The following ANXA8 variants were observed in gnomAD, a reference collection of about 807,000 sequenced individuals.
ANXA8 encodes the protein VAC-beta.
Under a neutral mutation model 26.8 loss-of-function variants are expected in ANXA8, and 9 were observed. That is an observed-to-expected ratio of 0.34 (90% confidence interval 0.20 to 0.59). ANXA8 has a LOEUF of 0.59. ANXA8 is among the 20% of genes least tolerant of loss of function. ANXA8 has a pLI of 0.84. For synonymous variants in ANXA8, 39 were observed against 94.8 expected (o/e 0.41, Z 3.42); for missense variants, 83 against 238.5 (o/e 0.35, Z 4.29).
the ANXA8 span, among the ~76,000 whole-genome samples, chr10:47,768,545 T>G: frequency 1.3e-5 from 2 of 150,652 alleles, no homozygotes; most frequent in South Asian, 4.2e-4. Context: ...TTTGCCAGAT[T>G]CCTTTCTTGA....
chr10:47,588,371 T>C, the ANXA8 span, among the ~76,000 whole-genome samples: 62,192 of 87,092 alleles, frequency 0.71, 23,478 homozygotes, highest in African/African-American at 0.79. Flanking sequence ...AAGGCTCTTC[T>C]GAATCTTCAG....
At chr10:47,593,184 G>A in the ANXA8 span, among the ~76,000 whole-genome samples, 2 of 147,154 alleles carry the variant, frequency 1.4e-5, no homozygotes, top group Non-Finnish European at 3.0e-5. Context: ...ACTTTGGTAA[G>A]CACAGTGGAC....
the ANXA8 span, among the ~76,000 whole-genome samples, chr10:47,586,395 T>C: frequency 6.8e-6 from 1 of 146,012 alleles, no homozygotes; most frequent in African/African-American, 2.8e-5. Context: ...ACCACTTCCT[T>C]GTGCTGGATT....
the ANXA8 span, among the ~76,000 whole-genome samples, chr10:47,645,718 G>A: frequency 4.0e-4 from 61 of 151,078 alleles, no homozygotes; most frequent in South Asian, 0.012. Flanking sequence ...TGTGTTTCCA[G>A]AGAAATTAGC....
the ANXA8 span, among the ~76,000 whole-genome samples, chr10:47,647,272 AT>A: frequency 1.3e-5 from 2 of 150,150 alleles, no homozygotes; most frequent in African/African-American, 2.5e-5. Context: ...TTTTATTGAT[AT>A]TTTTTCTTCT....
At chr10:47,693,444 C>T in the ANXA8 span, among the ~76,000 whole-genome samples, 1 of 151,568 alleles carries the variant, frequency 6.6e-6, no homozygotes, top group African/African-American at 2.4e-5. Flanking sequence ...CGCCTGCCAC[C>T]GCGCGCGGCT....
the ANXA8 span, among the ~76,000 whole-genome samples, chr10:47,733,219 T>TTCTTTCTCTTTCTTTC: frequency 1.5e-4 from 10 of 68,096 alleles, no homozygotes; most frequent in African/African-American, 3.4e-4. Flanking sequence ...CTTTCTTTCT[T>TTCTTTCTCTTTCTTTC]TCTCTTTCTT....
chr10:47,663,487 T>C, the ANXA8 span, among the ~76,000 whole-genome samples: 2 of 136,550 alleles, frequency 1.5e-5, no homozygotes, highest in Non-Finnish European at 3.0e-5. Context: ...CTGGGCTCAA[T>C]TGATCCTCCT....
At chr10:47,557,011 T>A in the ANXA8 span, among the ~76,000 whole-genome samples, 1 of 134,640 alleles carries the variant, frequency 7.4e-6, no homozygotes, top group Admixed American at 7.4e-5. Flanking sequence ...TTCTTTTTTT[T>A]TTTTTTTTTT....
chr10:47,695,627 T>C, the ANXA8 span, among the ~76,000 whole-genome samples: 1 of 151,706 alleles, frequency 6.6e-6, no homozygotes, highest in Non-Finnish European at 1.5e-5. Flanking sequence ...AGTAATCACT[T>C]GGAATTTATA....
chr10:47,651,406 C>T, the ANXA8 span, among the ~76,000 whole-genome samples: 11 of 151,422 alleles, frequency 7.3e-5, no homozygotes, highest in African/African-American at 2.4e-4. Context: ...CTATGGGAAA[C>T]AGTCTGGCAG....
chr10:47,580,466 T>C, the ANXA8 span, among the ~76,000 whole-genome samples: 2 of 151,252 alleles, frequency 1.3e-5, no homozygotes, highest in South Asian at 4.2e-4. Context: ...CCACATGTGT[T>C]GGCTCACAGC....
the ANXA8 span, among the ~76,000 whole-genome samples, chr10:47,929,965 C>T: frequency 6.6e-6 from 1 of 152,188 alleles, no homozygotes; most frequent in African/African-American, 2.4e-5. Flanking sequence ...GGGCAAATTT[C>T]ACAGTCACAG....
At chr10:47,986,089 C>T in the ANXA8 span, 1 of 150,350 alleles carries the variant, frequency 6.7e-6, no homozygotes, top group Non-Finnish European at 1.5e-5. Flanking sequence ...GAGTTTTCAC[C>T]TCTTTATCCT....
the ANXA8 span, among the ~76,000 whole-genome samples, chr10:47,743,345 TATATATATACACATATATATATATAC>T: frequency 1.5e-4 from 14 of 96,544 alleles, 1 homozygote; most frequent in South Asian, 1.9e-3. Context: ...TATATACATA[TATATATATACACATATATATATATAC>T]ATATATATGT....
At chr10:47,973,112 AC>A in the ANXA8 span, 2 of 148,218 alleles carry the variant, frequency 1.3e-5, 1 homozygote, top group Non-Finnish European at 3.0e-5. Flanking sequence ...AAATGCACAC[AC>A]ACACACACAC....
chr10:47,548,811 G>A, the ANXA8 span, among the ~76,000 whole-genome samples: 1 of 151,870 alleles, frequency 6.6e-6, no homozygotes, highest in Non-Finnish European at 1.5e-5. Context: ...TCAGGAACAA[G>A]GGTCCCATCT....
the ANXA8 span, among the ~76,000 whole-genome samples, chr10:47,654,029 G>A: frequency 1.3e-5 from 2 of 151,754 alleles, no homozygotes; most frequent in African/African-American, 4.9e-5. Flanking sequence ...GTATACAGCT[G>A]TGCCAAATTT....
the ANXA8 span, among the ~76,000 whole-genome samples, chr10:47,643,570 A>T: frequency 2.0e-5 from 3 of 148,608 alleles, no homozygotes; most frequent in South Asian, 6.2e-4. Context: ...AAAACTTTTT[A>T]AAAAGTCATT....
Sources: allele counts gnomAD v4.1 joint callset (sites outside exome capture counted in the v4.1 genomes callset), GRCh38; gene constraint gnomAD v4.1.1; transcripts MANE v1.5; gene names NCBI Gene and HGNC (gene_info 2026-07-23, HGNC 2026-07-21).